The following DAAM1 variants were observed in gnomAD, a reference collection of about 807,000 sequenced individuals.
DAAM1 encodes disheveled-associated activator of morphogenesis 1.
A neutral mutation model predicts 130.0 loss-of-function variants in DAAM1; 52 were observed. That is an observed-to-expected ratio of 0.40 (90% confidence interval 0.32 to 0.50). The LOEUF (loss-of-function observed/expected upper bound fraction) is 0.50, where lower values mean the gene tolerates loss of function less well. Ranked by LOEUF, DAAM1 falls within the 20% of genes least tolerant of loss-of-function variation. DAAM1 has a pLI of 0.61. For missense variants in DAAM1, 1,134 were observed against 1,303.8 expected, an observed-to-expected ratio of 0.87 and a Z score of 2.01; for synonymous variants, 452 against 444.5, an observed-to-expected ratio of 1.02 and a Z score of -0.21.
chr14:59,196,726 G>C (rs577900407), intron 1 of DAAM1, among the ~76,000 whole-genome samples: 1 of 151,944 alleles, frequency 6.6e-6, no homozygotes, highest in East Asian at 2.0e-4. Flanking sequence ...CTGGGTGACA[G>C]AGCGAGATTC....
intron 1 of DAAM1, among the ~76,000 whole-genome samples, chr14:59,212,278 T>C (rs1405212661): frequency 6.6e-6 from 1 of 152,242 alleles, no homozygotes; most frequent in Non-Finnish European, 1.5e-5. Context: ...TCGGGAGTTA[T>C]AAACTTTTTT....
In DAAM1 at chr14:59,263,466, C is replaced by G. The variant is rs765983953; in HGVS notation, c.-12C>G. 13 of 1,613,968 alleles carry G rather than the reference C, an allele frequency of 8.1e-6. No individual in the cohort carries two copies. The highest frequency in any genetic ancestry group is 1.3e-5 in the African/African-American group (1 of 74,924). ...CGTTTAGTCACATCAAGAAATAGAA[C>G]AGAATTCAGCCATGGCCCCAAGAAA... is the stretch of plus-strand genomic sequence containing the variant. On this transcript the variant is annotated 5_prime_UTR_variant, in exon 2 of 25. Transcript: ENST00000360909.
In DAAM1 at chr14:59,269,558, G is replaced by A. The variant is rs926680445; in HGVS notation, c.183+5898G>A. Among the ~76,000 whole-genome samples the A allele has an allele frequency of 3.3e-5, 5 of 152,312 alleles. No homozygotes were observed. The South Asian group carries it at 6.2e-4, about 19-fold the overall frequency. Reference sequence around the variant, plus strand: ...AGTTGGGTTCTCCAGTGCAGCTTACGTGAGTAAAATGAAGGGCATTTTGAT... The same window carrying A: ...AGTTGGGTTCTCCAGTGCAGCTTACATGAGTAAAATGAAGGGCATTTTGAT... On this transcript the variant is annotated intron_variant, in intron 2 of 24. Coordinates refer to ENST00000360909, the MANE Select transcript of DAAM1 (RefSeq NM_001270520.2).
intron 2 of DAAM1, among the ~76,000 whole-genome samples, chr14:59,275,043 A>G (rs1241051702): frequency 6.6e-6 from 1 of 152,196 alleles, no homozygotes; most frequent in Admixed American, 6.5e-5. Flanking sequence ...GCAGCCAAAC[A>G]ATCCTCTTGA....
Position 59,325,966 on chromosome 14 carries a change from A to G in DAAM1, c.1063A>G (p.Ile355Val). 5 of 1,614,136 alleles carry G rather than the reference A, an allele frequency of 3.1e-6. No individual in the cohort carries two copies. The highest frequency in any genetic ancestry group is 4.2e-6 in the Non-Finnish European group (5 of 1,179,962). The change falls in exon 10 of 25, where the codon ATA becomes GTA. Residue 355 changes from isoleucine to valine, a missense_variant. This residue lies in a region of DAAM1 where 391 missense variants were observed against 521.6 expected (regional missense o/e 0.75). Coordinates refer to ENST00000360909, the MANE Select transcript of DAAM1 (RefSeq NM_001270520.2). Reference sequence around the variant, plus strand: ...TCTTTTTCCTGTGAAATAGGTTCACATAGACACAAAAAGTGCAACTCAGAT... The same window carrying G: ...TCTTTTTCCTGTGAAATAGGTTCACGTAGACACAAAAAGTGCAACTCAGAT... ...EFAKRFELVH[I>V]DTKSATQMFE...
intron 3 of DAAM1, among the ~76,000 whole-genome samples, chr14:59,292,270 C>T (rs946899355): frequency 2.0e-4 from 31 of 152,306 alleles, no homozygotes; most frequent in African/African-American, 7.5e-4. Flanking sequence ...GAAACAGGAA[C>T]AAACTATACA....
Position 59,263,539 on chromosome 14 carries a change from A to C in DAAM1, c.62A>C (p.Asn21Thr). 1 of 1,614,234 alleles carries C rather than the reference A, an allele frequency of 6.2e-7. No individual in the cohort carries two copies. Among genetic ancestry groups the C allele is most frequent in the Non-Finnish European group, 8.5e-7 (1 of 1,180,032 alleles). The change falls in exon 2 of 25, where the codon AAT (asparagine) becomes ACT (threonine). Residue 21 changes from asparagine to threonine, a missense_variant. Asn to Thr is a moderately conservative substitution (Grantham distance 65). Around this residue, in one of 3 missense-constraint regions of DAAM1, gnomAD observed 99 missense variants for 86.4 expected, o/e 1.15. Transcript: ENST00000360909. ...ISFIFCCFRN[N>T]DHPEITYRLR... ...TTCATCTTTTGCTGTTTCCGAAATA[A>C]TGATCACCCAGAAATCACGTATCGG...
At chr14:59,291,778 G>A (rs1241297938) in intron 3 of DAAM1, among the ~76,000 whole-genome samples, 1 of 152,130 alleles carries the variant, frequency 6.6e-6, no homozygotes, top group African/African-American at 2.4e-5. Flanking sequence ...GGAAGCACAG[G>A]CTCCTCCACT....
In DAAM1 at chr14:59,320,602, G is replaced by A. The variant is rs1185695104; in HGVS notation, c.440+18G>A. 2.0e-6 allele frequency: 3 copies of A among 1,511,012 alleles called. No homozygotes were observed. The highest frequency in any genetic ancestry group is 2.6e-6 in the Non-Finnish European group (3 of 1,134,988). 93.6% of individuals were successfully genotyped at this position (1,511,012 alleles called of 1,614,324 possible). On this transcript the variant is annotated intron_variant, in intron 5 of 24. Coordinates refer to ENST00000360909, the MANE Select transcript of DAAM1 (RefSeq NM_001270520.2). Reference sequence around the variant, plus strand: ...CCAATGAGGTAATTTTCCCCTGGATGGCATGTTTTTTTTTTTTCTCTCCTT... The same window carrying A: ...CCAATGAGGTAATTTTCCCCTGGATAGCATGTTTTTTTTTTTTCTCTCCTT...
intron 24 of DAAM1, among the ~76,000 whole-genome samples, chr14:59,367,826 A>G (rs1482839132): frequency 6.6e-6 from 1 of 152,142 alleles, no homozygotes; most frequent in African/African-American, 2.4e-5. Flanking sequence ...CTGGAATTCC[A>G]TTTCTTAGCA....
intron 4 of DAAM1, among the ~76,000 whole-genome samples, chr14:59,319,710 G>C (rs981687900): frequency 6.6e-6 from 1 of 152,100 alleles, no homozygotes; most frequent in Non-Finnish European, 1.5e-5. Flanking sequence ...CACCTTACTG[G>C]CATTCTCAAT....
intron 17 of DAAM1, 56 bp downstream of exon 17, chr14:59,347,679 A>G: frequency 6.5e-7 from 1 of 1,533,220 alleles, no homozygotes; most frequent in South Asian, 1.1e-5. Flanking sequence ...CAACAGGGAG[A>G]GGGATGTTGA....
chr14:59,208,118 A>T (rs561784492), intron 1 of DAAM1, among the ~76,000 whole-genome samples: 26 of 152,340 alleles, frequency 1.7e-4, no homozygotes, highest in East Asian at 1.5e-3. Flanking sequence ...AGCATTTTTC[A>T]TGTAATTAAA....
intron 1 of DAAM1, among the ~76,000 whole-genome samples, chr14:59,248,889 G>T (rs893021493): frequency 5.9e-5 from 9 of 152,098 alleles, no homozygotes; most frequent in African/African-American, 1.2e-4. Flanking sequence ...CCGGGTTCAC[G>T]CCATTCTCCT....
Position 59,223,620 on chromosome 14 carries a change from A to C in DAAM1, c.-38+34852A>C, listed in dbSNP as rs115142896. 6.0e-3 allele frequency among the ~76,000 whole-genome samples: 909 copies of C among 152,318 alleles called. 13 individuals are homozygous for C. Among genetic ancestry groups the C allele is most frequent in the African/African-American group, 0.021 (879 of 41,576 alleles). ...TGGATCTATTGCAGAGCTTTATCCCATTCTGGGCCTCATTCAAAACTAGCA... is the reference window on the plus strand; with the variant it reads ...TGGATCTATTGCAGAGCTTTATCCCCTTCTGGGCCTCATTCAAAACTAGCA... On this transcript the variant is annotated intron_variant, in intron 1 of 24. Coordinates refer to ENST00000360909, the MANE Select transcript of DAAM1 (RefSeq NM_001270520.2).
At chr14:59,320,624 CCT>C in intron 5 of DAAM1, 40 bp downstream of exon 5, 1 of 1,430,378 alleles carries the variant, frequency 7.0e-7, no homozygotes. Flanking sequence ...TTTTTTCTCT[CCT>C]TCCTTCCTTT....
chr14:59,347,536 C>T lies in DAAM1; in HGVS notation c.2076-3C>T, dbSNP rs756586115. ...GGTTAATAACAAAATATTCTTTCTC[C>T]AGGTTGAAATTATCCAATGACGAAA... On this transcript the variant is annotated splice_region_variant and splice_polypyrimidine_tract_variant and intron_variant, in intron 16 of 24. Coordinates refer to ENST00000360909, the MANE Select transcript of DAAM1 (RefSeq NM_001270520.2). The T allele has an allele frequency of 1.9e-6, 3 of 1,612,688 alleles. No homozygotes were observed. The highest frequency in any genetic ancestry group is 2.5e-6 in the Non-Finnish European group (3 of 1,179,214).
At chr14:59,310,136 G>T (rs543175437) in intron 3 of DAAM1, among the ~76,000 whole-genome samples, 9 of 149,874 alleles carry the variant, frequency 6.0e-5, no homozygotes, top group Non-Finnish European at 1.2e-4. Context: ...TTTGAGACAG[G>T]GTCTTGCTCT....
intron 2 of DAAM1, among the ~76,000 whole-genome samples, chr14:59,267,457 G>A (rs1882493191): frequency 6.6e-6 from 1 of 151,700 alleles, no homozygotes; most frequent in Non-Finnish European, 1.5e-5. Context: ...TCAGGATTTA[G>A]CATTGTCTTT....
Sources: allele counts gnomAD v4.1 joint callset (sites outside exome capture counted in the v4.1 genomes callset), GRCh38; gene constraint gnomAD v4.1.1; regional missense constraint gnomAD v4.1.1; transcripts MANE v1.5; gene names NCBI Gene and HGNC (gene_info 2026-07-23, HGNC 2026-07-21).